DERA: variants seen among roughly 807,000 people sequenced by gnomAD.
DERA encodes the protein 2-deoxy-D-ribose 5-phosphate aldolase.
Under a neutral mutation model 41.1 loss-of-function variants are expected in DERA, and 15 were observed. The ratio of observed to expected loss-of-function variants is 0.37; its 90% CI spans 0.24 to 0.56. DERA has a LOEUF of 0.56. Among genes scored for constraint, DERA ranks in the 20% least tolerant of loss-of-function variants. The pLI, the probability that DERA is intolerant of heterozygous loss-of-function variation, is 0.81. For synonymous variants in DERA, 139 were observed against 137.4 expected (o/e 1.01, Z -0.08); for missense variants, 396 against 403.4 (o/e 0.98, Z 0.16).
chr12:16,025,207 G>T (rs1433487117), intron 6 of DERA, among the ~76,000 whole-genome samples: 1 of 152,098 alleles, frequency 6.6e-6, no homozygotes, highest in Non-Finnish European at 1.5e-5. Context: ...ATATTAATTT[G>T]ACTACATCAG....
In DERA at chr12:15,911,417, A is replaced by G; in HGVS notation, c.31+3A>G. On this transcript the variant is annotated splice_donor_region_variant and intron_variant, in intron 1 of 8. Transcript: ENST00000428559. The surrounding 1 kb of genome is among the most constrained non-coding windows in gnomAD (Gnocchi z 4.5). ...GCACAATCGGGGCACCGAGCTCGGT[A>G]AGGGGCCCGCGGGGCTCCCCATCCC... 1 of 1,409,904 alleles carries G rather than the reference A, an allele frequency of 7.1e-7. No individual in the cohort carries two copies. The highest frequency in any genetic ancestry group is 9.2e-7 in the Non-Finnish European group (1 of 1,092,540). The allele number at this position is 1,409,904 out of a possible 1,614,324, so 87.3% of individuals were successfully genotyped here.
chr12:16,002,126 C>A (rs1948879355), intron 6 of DERA, among the ~76,000 whole-genome samples: 2 of 110,784 alleles, frequency 1.8e-5, no homozygotes, highest in Admixed American at 1.1e-4. Context: ...TAATGCTATC[C>A]CTCCCCCCTC....
intron 1 of DERA, among the ~76,000 whole-genome samples, chr12:15,932,067 C>G (rs1035469609): frequency 6.6e-6 from 1 of 152,170 alleles, no homozygotes; most frequent in African/African-American, 2.4e-5. Context: ...TACCCAGTCT[C>G]AGTTATTCTT....
rs997208237 is a variant in DERA, at chr12:15,931,944, C to T, written c.31+20530C>T. On this transcript the variant is annotated intron_variant, in intron 1 of 8. Transcript: ENST00000428559. This position sits in a 1 kb window ranked among gnomAD's most constrained non-coding sequence, Gnocchi z 4.6. ...TTCACGTGTCCGCTTCCCCTTTGACCTTTTGCCATGTTATGACTCAGCAGA... is the reference window on the plus strand; with the variant it reads ...TTCACGTGTCCGCTTCCCCTTTGACTTTTTGCCATGTTATGACTCAGCAGA... 6.6e-6 allele frequency among the ~76,000 whole-genome samples: 1 copy of T among 152,114 alleles called. No homozygotes were observed. The highest frequency in any genetic ancestry group is 1.5e-5 in the Non-Finnish European group (1 of 68,026).
chr12:15,939,202 G>T (rs948286975), intron 1 of DERA, among the ~76,000 whole-genome samples: 1 of 152,158 alleles, frequency 6.6e-6, no homozygotes, highest in African/African-American at 2.4e-5. Flanking sequence ...CAGTCTTCCA[G>T]CCGTACCCTT....
At chr12:15,926,346 T>G (rs1227188451) in intron 1 of DERA, among the ~76,000 whole-genome samples, 2 of 152,128 alleles carry the variant, frequency 1.3e-5, no homozygotes, top group Non-Finnish European at 2.9e-5. Flanking sequence ...TATTTTGATA[T>G]AAACTTTTCG....
chr12:15,960,362 G>A (rs111552209), intron 4 of DERA, among the ~76,000 whole-genome samples: 2,197 of 150,934 alleles, frequency 0.015, 28 homozygotes, highest in Non-Finnish European at 0.022. Flanking sequence ...TGCGGGCTGG[G>A]GACGGTGGCT....
chr12:15,934,470 C>G (rs1268083576), intron 1 of DERA, among the ~76,000 whole-genome samples: 1 of 151,912 alleles, frequency 6.6e-6, no homozygotes, highest in Non-Finnish European at 1.5e-5. Context: ...CCTGTAGTCC[C>G]AGCTACTCAG....
intron 6 of DERA, among the ~76,000 whole-genome samples, chr12:16,015,037 C>T (rs756408943): frequency 1.3e-5 from 2 of 152,310 alleles, no homozygotes; most frequent in Non-Finnish European, 2.9e-5. Context: ...GCCTGTACCC[C>T]AGTTGTTTCT....
In DERA at chr12:15,911,938, T is replaced by C. The variant is rs1422798104; in HGVS notation, c.31+524T>C. On this transcript the variant is annotated intron_variant, in intron 1 of 8. Coordinates refer to ENST00000428559, the MANE Select transcript of DERA (RefSeq NM_015954.4). The surrounding 1 kb of genome is among the most constrained non-coding windows in gnomAD (Gnocchi z 4.5). ...ATGGGATTTTAGAGTTACAAAGATT[T>C]GTTAAAGTACCTGTATTATTTCCCA... is the stretch of plus-strand genomic sequence containing the variant. Among the ~76,000 whole-genome samples, 2 of 152,226 alleles carry C rather than the reference T, an allele frequency of 1.3e-5. No individual in the cohort carries two copies. Among genetic ancestry groups the C allele is most frequent in the Non-Finnish European group, 2.9e-5 (2 of 68,038 alleles).
At chr12:15,914,360 A>G (rs1287835296) in intron 1 of DERA, among the ~76,000 whole-genome samples, 2 of 151,630 alleles carry the variant, frequency 1.3e-5, no homozygotes, top group Non-Finnish European at 2.9e-5. Flanking sequence ...CCATTGGGCA[A>G]CAGACTGGAG....
chr12:15,957,298 G>A lies in DERA; in HGVS notation c.129+265G>A, dbSNP rs568016967. ...TCTTTATTCATGAGTGAATTAAATG[G>A]CATATTTTCTCAACACATTTATTCA... is the stretch of plus-strand genomic sequence containing the variant. On this transcript the variant is annotated intron_variant, in intron 2 of 8. Coordinates refer to ENST00000428559, the MANE Select transcript of DERA (RefSeq NM_015954.4). The surrounding 1 kb of genome is among the most constrained non-coding windows in gnomAD (Gnocchi z 4.8). Among the ~76,000 whole-genome samples, 60 of 152,246 alleles carry A rather than the reference G, an allele frequency of 3.9e-4. No homozygotes were observed. The highest frequency in any genetic ancestry group is 1.7e-3 in the Admixed American group (26 of 15,298).
rs1334793038 is a variant in DERA, at chr12:16,036,413, T to A, written c.900+32T>A. 1 of 1,555,740 alleles carries A rather than the reference T, an allele frequency of 6.4e-7. No individual in the cohort carries two copies. The highest frequency in any genetic ancestry group is 1.4e-5 in the African/African-American group (1 of 71,768). On this transcript the variant is annotated intron_variant, in intron 8 of 8. Coordinates refer to ENST00000428559, the MANE Select transcript of DERA (RefSeq NM_015954.4). This position sits in a 1 kb window ranked among gnomAD's most constrained non-coding sequence, Gnocchi z 4.9. ...AATCATCTCTGTCTTTGGAATAAAT[T>A]AACAAGTGTTTTTTGAGAAAGGAAT...
Position 15,982,206 on chromosome 12 carries a change from A to G in DERA, c.509-102A>G. 8.5e-7 allele frequency: 1 copy of G among 1,173,194 alleles called. No individual in the cohort carries two copies. 72.7% of individuals were successfully genotyped at this position (1,173,194 alleles called of 1,614,324 possible). A position where few individuals can be genotyped will look rare whatever the true frequency, so the allele number is the denominator to read the frequency against. ...ATTTTTAGAAAGTGACAAATGTTTT[A>G]TGTTTCCTAAATGTGAAATGGGTTC... is the stretch of plus-strand genomic sequence containing the variant. On this transcript the variant is annotated intron_variant, in intron 5 of 8. Transcript: ENST00000428559. The surrounding 1 kb of genome is among the most constrained non-coding windows in gnomAD (Gnocchi z 4.0).
At position 16,019,564 on chromosome 12, in the gene DERA, C is replaced by T. The variant is rs1949005104; in HGVS notation, c.638-12978C>T. On this transcript the variant is annotated intron_variant, in intron 6 of 8. Coordinates refer to ENST00000428559, the MANE Select transcript of DERA (RefSeq NM_015954.4). This position sits in a 1 kb window ranked among gnomAD's most constrained non-coding sequence, Gnocchi z 4.4. ...CCCTCCTCCCACCTCACCTCCAACA[C>T]AGACTTCTTAGATGTATTCTTTCAT... Among the ~76,000 whole-genome samples, 1 of 152,182 alleles carries T rather than the reference C, an allele frequency of 6.6e-6. No individual in the cohort carries two copies. The highest frequency in any genetic ancestry group is 2.4e-5 in the African/African-American group (1 of 41,414).
intron 1 of DERA, among the ~76,000 whole-genome samples, chr12:15,927,064 G>C (rs1357107094): frequency 2.6e-5 from 4 of 152,166 alleles, no homozygotes; most frequent in Non-Finnish European, 4.4e-5. Context: ...TGTCTATCAT[G>C]CTAACACATG....
At chr12:16,007,191 T>G (rs921211225) in intron 6 of DERA, among the ~76,000 whole-genome samples, 2 of 127,308 alleles carry the variant, frequency 1.6e-5, no homozygotes, top group Non-Finnish European at 3.0e-5. Flanking sequence ...TTTTTTTTGT[T>G]TTTTTTTTTT....
chr12:15,936,926 C>CTGTCCTGTCT lies in DERA; in HGVS notation c.32-20000_32-19991dup, dbSNP rs1279733345. On this transcript the variant is annotated intron_variant, in intron 1 of 8. Transcript: ENST00000428559. This position sits in a 1 kb window ranked among gnomAD's most constrained non-coding sequence, Gnocchi z 4.6. ...CTGTCCTGTCCTGTCCTGTCCTGTC[C>CTGTCCTGTCT]TGTCCTGTCTTGTCCTGTCCCGTCC... Among the ~76,000 whole-genome samples, 1 of 137,780 alleles carries CTGTCCTGTCT rather than the reference C, an allele frequency of 7.3e-6. No individual in the cohort carries two copies. Among genetic ancestry groups the CTGTCCTGTCT allele is most frequent in the South Asian group, 2.2e-4 (1 of 4,546 alleles). The allele number at this position is 137,780 out of a possible 152,430, so 90.4% of individuals were successfully genotyped here.
At chr12:16,005,423 C>T (rs1045439614) in intron 6 of DERA, among the ~76,000 whole-genome samples, 1 of 152,064 alleles carries the variant, frequency 6.6e-6, no homozygotes, top group African/African-American at 2.4e-5. Flanking sequence ...TGGTCTCTAG[C>T]CTGGGTAACA....
Sources: gnomAD v4.1 joint callset for allele counts (sites outside exome capture counted in the v4.1 genomes callset) on GRCh38, gnomAD v4.1.1 for gene constraint, Gnocchi (gnomAD v3.1) non-coding constraint, MANE v1.5 for transcripts, NCBI Gene and HGNC (gene_info 2026-07-23, HGNC 2026-07-21) for gene names.